ITGBL1: variants seen among roughly 807,000 people sequenced by gnomAD.
The protein encoded by ITGBL1 is integrin beta-like protein 1.
Under a neutral mutation model 68.5 loss-of-function variants are expected in ITGBL1, and 51 were observed. The ratio of observed to expected loss-of-function variants is 0.74; its 90% CI spans 0.59 to 0.94. ITGBL1 has a LOEUF of 0.94. Among genes scored for constraint, ITGBL1 ranks in the 40% least tolerant of loss-of-function variants. ITGBL1 has a pLI of 0.00. For missense variants in ITGBL1, 649 were observed against 647.4 expected (o/e 1.00, Z -0.03); for synonymous variants, 209 against 227.3 (o/e 0.92, Z 0.72).
At chr13:101,477,858 C>T (rs1312093365) in intron 2 of ITGBL1, among the ~76,000 whole-genome samples, 1 of 151,842 alleles carries the variant, frequency 6.6e-6, no homozygotes, top group Non-Finnish European at 1.5e-5. Flanking sequence ...AGTTTCCTGG[C>T]CTAGTAAAGC....
At chr13:101,612,816 C>A (rs2031195247) in intron 7 of ITGBL1, among the ~76,000 whole-genome samples, 1 of 152,160 alleles carries the variant, frequency 6.6e-6, no homozygotes, top group African/African-American at 2.4e-5. Flanking sequence ...ATACTCTCCT[C>A]TTCACTGGCA....
At chr13:101,706,243 C>T (rs933036354) in intron 8 of ITGBL1, among the ~76,000 whole-genome samples, 2 of 152,162 alleles carry the variant, frequency 1.3e-5, no homozygotes, top group Non-Finnish European at 2.9e-5. Context: ...ATTACTTCCA[C>T]TTGTATCTGT....
At chr13:101,542,109 G>A (rs2049717244) in intron 2 of ITGBL1, among the ~76,000 whole-genome samples, 1 of 152,112 alleles carries the variant, frequency 6.6e-6, no homozygotes, top group Non-Finnish European at 1.5e-5. Context: ...TTTTGAATGT[G>A]TTTGCTCTTG....
intron 7 of ITGBL1, among the ~76,000 whole-genome samples, chr13:101,615,818 T>C (rs2031331066): frequency 6.6e-6 from 1 of 151,848 alleles, no homozygotes; most frequent in Admixed American, 6.6e-5. Context: ...AAATAATAAA[T>C]AAATAACAAA....
At chr13:101,528,435 C>T (rs1373193536) in intron 2 of ITGBL1, among the ~76,000 whole-genome samples, 1 of 151,552 alleles carries the variant, frequency 6.6e-6, no homozygotes, top group East Asian at 1.9e-4. Context: ...AGCTTTTGGC[C>T]TCATTGATTT....
chr13:101,549,399 A>G (rs963391878), intron 2 of ITGBL1, among the ~76,000 whole-genome samples: 2 of 151,942 alleles, frequency 1.3e-5, no homozygotes, highest in Non-Finnish European at 2.9e-5. Flanking sequence ...ATATGTCACA[A>G]AACTTAGAAT....
chr13:101,463,927 G>T lies in ITGBL1; in HGVS notation c.316+9827G>T, dbSNP rs1368899388. Among the ~76,000 whole-genome samples, 10 of 126,660 alleles carry T rather than the reference G, an allele frequency of 7.9e-5. No individual in the cohort carries two copies. In the South Asian group the frequency reaches 2.5e-3, roughly 31 times the overall value. 83.1% of individuals were successfully genotyped at this position (126,660 alleles called of 152,430 possible). A position where few individuals can be genotyped will look rare whatever the true frequency, so the allele number is the denominator to read the frequency against. ...GTTCTTTTTTTTTTTTTTTTTTTCC[G>T]AGACAGATTCTCGCTGTGTCACCCA... is the stretch of plus-strand genomic sequence containing the variant. On this transcript the variant is annotated intron_variant, in intron 2 of 10. Coordinates refer to ENST00000376180, the MANE Select transcript of ITGBL1 (RefSeq NM_004791.3).
chr13:101,716,984 A>G (rs1443438249), downstream of ITGBL1: 1 of 152,070 alleles, frequency 6.6e-6, no homozygotes, highest in Non-Finnish European at 1.5e-5. Flanking sequence ...ACATTAGTTT[A>G]GGCAACCTTT....
rs16959158 is a variant in ITGBL1, at chr13:101,590,123, G to A, written c.868+6767G>A. 9.0e-3 allele frequency among the ~76,000 whole-genome samples: 1,375 copies of A among 152,216 alleles called. 21 individuals are homozygous for A. The highest frequency in any genetic ancestry group is 0.031 in the African/African-American group (1,299 of 41,526). ...TCTAGAGCATCTGAACTTAAAAAAC[G>A]AAAAATTATTAAGGCTTCCACAGCT... On this transcript the variant is annotated intron_variant, in intron 6 of 10. Transcript: ENST00000376180.
At chr13:101,590,189 A>T (rs2050627526) in intron 6 of ITGBL1, among the ~76,000 whole-genome samples, 1 of 152,228 alleles carries the variant, frequency 6.6e-6, no homozygotes, top group Admixed American at 6.5e-5. Flanking sequence ...TTCCAACTTT[A>T]AAAATCTCTT....
chr13:101,560,561 T>C (rs538923885), intron 2 of ITGBL1, among the ~76,000 whole-genome samples: 1 of 152,316 alleles, frequency 6.6e-6, no homozygotes, highest in Admixed American at 6.5e-5. Flanking sequence ...TTAAAACAAG[T>C]AACAGTGTAT....
At chr13:101,523,712 A>T (rs875115) in intron 2 of ITGBL1, among the ~76,000 whole-genome samples, 4,554 of 141,320 alleles carry the variant, frequency 0.032, 78 homozygotes, top group African/African-American at 0.048. Flanking sequence ...CTTCAAATGG[A>T]TGCACACAAG....
intron 2 of ITGBL1, among the ~76,000 whole-genome samples, chr13:101,544,560 A>G (rs2049781621): frequency 6.6e-6 from 1 of 152,048 alleles, no homozygotes; most frequent in African/African-American, 2.4e-5. Context: ...ATGCTGGGAG[A>G]ACCACTACTC....
chr13:101,531,578 G>A lies in ITGBL1; in HGVS notation c.317-36121G>A, dbSNP rs1031964371. Among the ~76,000 whole-genome samples, 77 of 142,676 alleles carry A rather than the reference G, an allele frequency of 5.4e-4. 1 individual carries two copies. Among genetic ancestry groups the A allele is most frequent in the Non-Finnish European group, 1.5e-4 (10 of 66,020 alleles). 93.6% of individuals were successfully genotyped at this position (142,676 alleles called of 152,430 possible). On this transcript the variant is annotated intron_variant, in intron 2 of 10. Coordinates refer to ENST00000376180, the MANE Select transcript of ITGBL1 (RefSeq NM_004791.3). ...CAGGGGTAGTTGGTTTCTGGAACAC[G>A]CTACACCCGATTACTTCATAGCGTA...
At chr13:101,495,394 G>T (rs755547278) in intron 2 of ITGBL1, among the ~76,000 whole-genome samples, 3 of 152,034 alleles carry the variant, frequency 2.0e-5, no homozygotes, top group Non-Finnish European at 4.4e-5. Flanking sequence ...ACAGACACAC[G>T]GTCAACCCCA....
chr13:101,653,221 A>AGGAAGGAGAAATTTGTGCCATT (rs1419065111), intron 7 of ITGBL1, among the ~76,000 whole-genome samples: 1 of 146,628 alleles, frequency 6.8e-6, no homozygotes, highest in Non-Finnish European at 1.5e-5. Flanking sequence ...AAAGGAAGGA[A>AGGAAGGAGAAATTTGTGCCATT]GGAAGGAGAA....
chr13:101,498,925 C>T (rs2048898287), intron 2 of ITGBL1, among the ~76,000 whole-genome samples: 1 of 152,022 alleles, frequency 6.6e-6, no homozygotes, highest in South Asian at 2.1e-4. Flanking sequence ...TGGCAGTGGG[C>T]AAGGAAAGAA....
At chr13:101,460,467 A>G (rs1458479401) in intron 2 of ITGBL1, among the ~76,000 whole-genome samples, 1 of 152,224 alleles carries the variant, frequency 6.6e-6, no homozygotes, top group Non-Finnish European at 1.5e-5. Context: ...CGATAAATGC[A>G]TATTGTCTTA....
chr13:101,635,731 A>AT (rs2032150872), intron 7 of ITGBL1, among the ~76,000 whole-genome samples: 1 of 152,088 alleles, frequency 6.6e-6, no homozygotes, highest in South Asian at 2.1e-4. Flanking sequence ...CCCAAACCAT[A>AT]TAGGAGGTAG....
Sources: allele counts gnomAD v4.1 joint callset (sites outside exome capture counted in the v4.1 genomes callset), GRCh38; gene constraint gnomAD v4.1.1; transcripts MANE v1.5; gene names NCBI Gene and HGNC (gene_info 2026-07-23, HGNC 2026-07-21).